Variants in CLCN3 observed in about 807,000 individuals in gnomAD.
CLCN3 encodes the protein H(+)/Cl(-) exchange transporter 3.
CLCN3 carries 16 observed loss-of-function variants against 83.4 expected under a neutral mutation model. That is an observed-to-expected ratio of 0.19 (90% CI 0.13 to 0.29). The LOEUF (loss-of-function observed/expected upper bound fraction) is 0.29, where lower values mean the gene tolerates loss of function less well. CLCN3 is among the 10% of genes least tolerant of loss of function. The probability of loss-of-function intolerance (pLI) is 1.00; values close to 1 mark genes in which losing one functional copy is unlikely to be tolerated. For synonymous variants in CLCN3, 322 were observed against 346.2 expected, an observed-to-expected ratio of 0.93 and a Z score of 0.78; for missense variants, 544 against 1,006.0, an observed-to-expected ratio of 0.54 and a Z score of 6.21.
In CLCN3 at chr4:169,639,208, T is replaced by G. The variant is rs118131697; in HGVS notation, c.160+3120T>G. 2.7e-3 allele frequency among the ~76,000 whole-genome samples: 412 copies of G among 152,310 alleles called. 6 individuals are homozygous for G. In the East Asian group the frequency reaches 0.037, roughly 14 times the overall value. ...CTAGACCCAGCTAATTTTTTAAAATTTTTTGTAACAATGGGGTCTCACTGT... is the reference window on the plus strand; with the variant it reads ...CTAGACCCAGCTAATTTTTTAAAATGTTTTGTAACAATGGGGTCTCACTGT... On this transcript the variant is annotated intron_variant, in intron 2 of 12. Transcript: ENST00000513761.
chr4:169,627,257 G>A (rs191116931), intron 1 of CLCN3, among the ~76,000 whole-genome samples: 8 of 152,120 alleles, frequency 5.3e-5, no homozygotes, highest in Admixed American at 2.6e-4. Context: ...ATGCTGTTGC[G>A]CATACTTTTT....
rs749489517 is a variant in CLCN3 at position 169,692,198 on chromosome 4, G to A, written c.814G>A (p.Ala272Thr). 1.2e-6 allele frequency: 2 copies of A among 1,612,594 alleles called. No individual in the cohort carries two copies. Among genetic ancestry groups the A allele is most frequent in the Admixed American group, 1.7e-5 (1 of 59,998 alleles). The part of the protein sequence containing the change: ...LMIKTITLVL[A>T]VASGLSLGKE... ...GATTAAAACCATCACATTAGTCCTG[G>A]CTGTGGCATCAGGTTTGAGTTTAGG... Residue 272 changes from alanine to threonine, a missense_variant, in exon 7 of 13, where the codon GCT (alanine) becomes ACT (threonine). This residue lies in a region of CLCN3 where 8 missense variants were observed against 44.6 expected (regional missense o/e 0.18). Transcript: ENST00000513761.
chr4:169,637,746 C>T (rs1730269255), intron 2 of CLCN3, among the ~76,000 whole-genome samples: 1 of 152,028 alleles, frequency 6.6e-6, no homozygotes, highest in South Asian at 2.1e-4. Context: ...TTTAGATCTG[C>T]CTACCTGCAG....
chr4:169,649,256 G>A (rs1020519828), intron 2 of CLCN3, among the ~76,000 whole-genome samples: 1 of 152,184 alleles, frequency 6.6e-6, no homozygotes, highest in Admixed American at 6.5e-5. Flanking sequence ...ACTAGAAAGC[G>A]AGGGACTGAG....
At chr4:169,686,617 G>A (rs1229861957) in intron 3 of CLCN3, among the ~76,000 whole-genome samples, 1 of 152,102 alleles carries the variant, frequency 6.6e-6, no homozygotes, top group Non-Finnish European at 1.5e-5. Context: ...GGGTTTCACT[G>A]TGTTGGCCAG....
chr4:169,632,423 C>A (rs896611888), intron 1 of CLCN3, among the ~76,000 whole-genome samples: 3 of 152,064 alleles, frequency 2.0e-5, no homozygotes, highest in Non-Finnish European at 4.4e-5. Context: ...TCACGCCAGT[C>A]AGAATGGCTA....
chr4:169,700,291 CT>C (rs34320155), intron 9 of CLCN3, among the ~76,000 whole-genome samples: 5 of 152,210 alleles, frequency 3.3e-5, no homozygotes, highest in Non-Finnish European at 4.4e-5. Context: ...AGGATCTCGC[CT>C]TTTTGCCCAG....
intron 6 of CLCN3, among the ~76,000 whole-genome samples, chr4:169,691,410 A>C (rs1310358464): frequency 6.6e-6 from 1 of 152,212 alleles, no homozygotes; most frequent in Non-Finnish European, 1.5e-5. Context: ...GCTTTGAGAA[A>C]GTAGTTAATC....
chr4:169,648,076 G>A (rs1188333372), intron 2 of CLCN3, among the ~76,000 whole-genome samples: 1 of 152,144 alleles, frequency 6.6e-6, no homozygotes, highest in East Asian at 1.9e-4. Flanking sequence ...ATGAAAACTA[G>A]GAAAGACTGA....
intron 2 of CLCN3, among the ~76,000 whole-genome samples, chr4:169,646,253 A>T (rs140263848): frequency 6.6e-6 from 1 of 151,986 alleles, no homozygotes; most frequent in South Asian, 2.1e-4. Context: ...CACTGCTCAT[A>T]TTTTATACCT....
At chr4:169,719,427 G>A (rs891558655) in intron 12 of CLCN3, among the ~76,000 whole-genome samples, 1 of 152,174 alleles carries the variant, frequency 6.6e-6, no homozygotes, top group Admixed American at 6.5e-5. Flanking sequence ...TCGCGCCACT[G>A]CACTCCAGCC....
rs75851859 is a variant in CLCN3, at chr4:169,710,777, A to T, written c.2150-2302A>T. On this transcript the variant is annotated intron_variant, in intron 11 of 12. Transcript: ENST00000513761. ...GTGTTTAAGATTGATAATTGGGGTT[A>T]GTTTTAATTCAGAATGTTATTCTAT... 1.1e-3 allele frequency among the ~76,000 whole-genome samples: 167 copies of T among 152,272 alleles called. 1 individual carries two copies. Among genetic ancestry groups the T allele is most frequent in the East Asian group, 8.1e-3 (42 of 5,188 alleles).
chr4:169,695,434 G>C (rs1560864056), intron 7 of CLCN3, among the ~76,000 whole-genome samples, 178 bp from the exon 8 acceptor site: 1 of 152,104 alleles, frequency 6.6e-6, no homozygotes, highest in Non-Finnish European at 1.5e-5. Context: ...ATTAAAGCCA[G>C]GAGAAAGAAA....
chr4:169,692,436 A>G, intron 7 of CLCN3, 116 bp downstream of exon 7: 1 of 432,884 alleles, frequency 2.3e-6, no homozygotes, highest in Non-Finnish European at 3.9e-6. Context: ...AAAAATTTTG[A>G]GATTTGTGCT....
chr4:169,687,607 T>C (rs1443086059), intron 3 of CLCN3, 51 bp from the exon 4 acceptor site: 1 of 1,192,516 alleles, frequency 8.4e-7, no homozygotes. Context: ...TCTAGAACTG[T>C]GGCTTCTATT....
At position 169,713,183 on chromosome 4, in the gene CLCN3, C is replaced by A. The variant is rs201904904; in HGVS notation, c.2254C>A (p.Arg752=). 4 of 1,613,966 alleles carry A rather than the reference C, an allele frequency of 2.5e-6. No homozygotes were observed. Among genetic ancestry groups the A allele is most frequent in the Non-Finnish European group, 2.5e-6 (3 of 1,179,980 alleles). The part of the protein sequence containing the change: ...PAESPRPLKL[R]SILDMSPFTV... Reference sequence around the variant, plus strand: ...AGAAAGTCCTCGGCCATTGAAGCTTCGAAGCATTCTTGACATGAGCCCTTT... The same window carrying A: ...AGAAAGTCCTCGGCCATTGAAGCTTAGAAGCATTCTTGACATGAGCCCTTT... Residue 752 remains arginine, a synonymous_variant, in exon 12 of 13, where the codon CGA becomes AGA. Transcript: ENST00000513761.
intron 1 of CLCN3, 57 bp downstream of exon 1, chr4:169,621,120 T>A (rs879339177): frequency 5.1e-6 from 2 of 393,328 alleles, no homozygotes; most frequent in Admixed American, 8.9e-5. Flanking sequence ...AGATTTTGGG[T>A]CAACTGTGAG....
At chr4:169,671,866 G>T (rs72694785) in intron 2 of CLCN3, among the ~76,000 whole-genome samples, 13,860 of 152,122 alleles carry the variant, frequency 0.091, 658 homozygotes, top group African/African-American at 0.12. Context: ...AGTGAGAACT[G>T]CATATGCTTT....
At position 169,697,191 on chromosome 4, in the gene CLCN3, T is replaced by C. The variant is rs1336015998; in HGVS notation, c.1020T>C (p.Val340=). 1.9e-6 allele frequency: 3 copies of C among 1,559,400 alleles called. No individual in the cohort carries two copies. In the African/African-American group the frequency reaches 4.2e-5, roughly 22 times the overall value. The change falls in exon 9 of 13, where the codon GTT becomes GTC. Residue 340 remains valine (V), a splice_region_variant and synonymous_variant. Transcript: ENST00000513761. ...TCTTTTCCTTTTCTTTTTTTTAGGT[T>C]AGCTATTATTTTCCTCTCAAAACTT... ...IGGVLFSLEE[V]SYYFPLKTLW...
Sources: gnomAD v4.1 joint callset for allele counts (sites outside exome capture counted in the v4.1 genomes callset) on GRCh38, gnomAD v4.1.1 for gene constraint, gnomAD v4.1.1 regional missense constraint, MANE v1.5 for transcripts, NCBI Gene and HGNC (gene_info 2026-07-23, HGNC 2026-07-21) for gene names.